The following AVEN variants were observed in gnomAD, a reference collection of about 807,000 sequenced individuals.
The protein encoded by AVEN is cell death regulator Aven.
A neutral mutation model predicts 38.1 loss-of-function variants in AVEN; 41 were observed. The ratio of observed to expected loss-of-function variants is 1.08; its 90% CI spans 0.84 to 1.40. AVEN has a LOEUF of 1.40. Among genes scored for constraint, AVEN ranks in the 40% most tolerant of loss-of-function variants. The pLI is 0.00. For missense variants in AVEN, 605 were observed against 438.8 expected, an observed-to-expected ratio of 1.38 and a Z score of -3.38; for synonymous variants, 206 against 171.8, an observed-to-expected ratio of 1.20 and a Z score of -1.56.
intron 2 of AVEN, among the ~76,000 whole-genome samples, chr15:33,963,581 G>A (rs1388693025): frequency 2.0e-5 from 3 of 152,110 alleles, no homozygotes; most frequent in South Asian, 2.1e-4. Flanking sequence ...CGGATCACTT[G>A]AGGTCAGGAG....
At chr15:34,038,431 C>G (rs1380436712) in intron 1 of AVEN, among the ~76,000 whole-genome samples, 1 of 152,194 alleles carries the variant, frequency 6.6e-6, no homozygotes, top group Non-Finnish European at 1.5e-5. Context: ...TAGTGGTACT[C>G]GTACAGACAG....
At chr15:33,986,132 A>G (rs1465117233) in intron 2 of AVEN, among the ~76,000 whole-genome samples, 4 of 149,412 alleles carry the variant, frequency 2.7e-5, no homozygotes, top group Non-Finnish European at 5.9e-5. Flanking sequence ...TTTGAGATGG[A>G]CTCTCGCTCT....
upstream of AVEN, among the ~76,000 whole-genome samples, chr15:34,039,725 C>T (rs1488507969): frequency 6.6e-6 from 1 of 152,140 alleles, no homozygotes; most frequent in Non-Finnish European, 1.5e-5. Context: ...GAAATGACTA[C>T]TACAGCTGAC....
At chr15:34,025,599 C>T (rs114925832) in intron 1 of AVEN, among the ~76,000 whole-genome samples, 38 of 152,230 alleles carry the variant, frequency 2.5e-4, no homozygotes, top group African/African-American at 8.9e-4. Flanking sequence ...ATGTTAATGT[C>T]CTGATTTTGA....
At chr15:33,856,692 C>G (rs574262191), downstream of AVEN, 12 of 156,188 alleles carry the variant, frequency 7.7e-5, no homozygotes, top group African/African-American at 2.6e-4. Context: ...CGGAGTCTCA[C>G]TCTGCCACAA....
At chr15:34,020,037 C>T (rs540941034) in intron 1 of AVEN, among the ~76,000 whole-genome samples, 2 of 152,264 alleles carry the variant, frequency 1.3e-5, no homozygotes, top group East Asian at 1.9e-4. Flanking sequence ...TTAGGCTGGG[C>T]GCAGTGGTTC....
chr15:34,044,193 A>G (rs2140810967), upstream of AVEN, among the ~76,000 whole-genome samples: 1 of 151,882 alleles, frequency 6.6e-6, no homozygotes, highest in South Asian at 2.1e-4. Flanking sequence ...AGAGTCATCT[A>G]TAGCACTGTC....
At chr15:34,048,128 G>A (rs1012122922) in intron 5 of AVEN, among the ~76,000 whole-genome samples, 6 of 152,112 alleles carry the variant, frequency 3.9e-5, no homozygotes, top group Non-Finnish European at 8.8e-5. Flanking sequence ...CACTTGCCTC[G>A]GCTTTCCAAA....
intron 1 of AVEN, among the ~76,000 whole-genome samples, chr15:34,009,841 T>G (rs1897561675): frequency 6.6e-6 from 1 of 151,938 alleles, no homozygotes; most frequent in Non-Finnish European, 1.5e-5. Context: ...AATAAAAAAT[T>G]AGCTGAGCAT....
At chr15:33,885,246 C>A (rs1362880011) in intron 2 of AVEN, among the ~76,000 whole-genome samples, 4 of 152,170 alleles carry the variant, frequency 2.6e-5, no homozygotes, top group Admixed American at 2.6e-4. Context: ...AAAATGTCCT[C>A]TTTCATTTCT....
intron 5 of AVEN, among the ~76,000 whole-genome samples, chr15:34,055,571 G>A (rs1416536481): frequency 6.6e-6 from 1 of 152,006 alleles, no homozygotes; most frequent in Admixed American, 6.6e-5. Context: ...GGAGGCTGAG[G>A]TGGGCGGATC....
At chr15:33,870,349 C>G (rs1890889309) in intron 4 of AVEN, among the ~76,000 whole-genome samples, 1 of 152,136 alleles carries the variant, frequency 6.6e-6, no homozygotes, top group Non-Finnish European at 1.5e-5. Flanking sequence ...TACTTGGCAG[C>G]CCCATCGTTT....
At chr15:34,031,117 G>A (rs1898772910) in intron 1 of AVEN, among the ~76,000 whole-genome samples, 1 of 6,958 alleles carries the variant, frequency 1.4e-4, no homozygotes, top group African/African-American at 1.6e-4. Context: ...GAATACATAT[G>A]AGTTTTTTTT....
chr15:33,978,620 G>A (rs913060765), intron 2 of AVEN, among the ~76,000 whole-genome samples: 2 of 151,934 alleles, frequency 1.3e-5, no homozygotes, highest in Admixed American at 6.6e-5. Flanking sequence ...CCAAGATTAC[G>A]CCACTGCATG....
intron 2 of AVEN, among the ~76,000 whole-genome samples, chr15:33,996,034 A>C (rs548012872): frequency 1.3e-5 from 2 of 152,236 alleles, no homozygotes; most frequent in Non-Finnish European, 2.9e-5. Flanking sequence ...TATATCCCAC[A>C]CATGGCTAGG....
At chr15:33,945,803 T>A (rs1231648820) in intron 2 of AVEN, among the ~76,000 whole-genome samples, 1 of 152,166 alleles carries the variant, frequency 6.6e-6, no homozygotes, top group Non-Finnish European at 1.5e-5. Flanking sequence ...GCCAGGATAG[T>A]CTCGATCTCC....
At chr15:33,963,796 C>CA (rs57116335) in intron 2 of AVEN, among the ~76,000 whole-genome samples, 11,120 of 112,354 alleles carry the variant, frequency 0.099, 1,637 homozygotes, top group African/African-American at 0.35. Context: ...GACTCTGTCT[C>CA]AAAAAAAAAA....
chr15:33,877,162 G>A (rs1891269399), intron 2 of AVEN, among the ~76,000 whole-genome samples: 1 of 152,188 alleles, frequency 6.6e-6, no homozygotes, highest in African/African-American at 2.4e-5. Context: ...CAGAGAAACT[G>A]AGGAAAAGAA....
At position 33,867,588 on chromosome 15, in the gene AVEN, C is replaced by T. The variant is rs376109021; in HGVS notation, c.880G>A (p.Ala294Thr). The change falls in exon 5 of 6, where the codon GCA becomes ACA. Residue 294 changes from alanine to threonine, a missense_variant. Coordinates refer to ENST00000306730, the MANE Select transcript of AVEN (RefSeq NM_020371.3). ...EELDLLLNLD[A>T]PIKEGDNILP... ...ATGTTATCTCCCTCTTTTATAGGTG[C>T]ATCTAAATTAAGCAACAGATCTAGT... 5 of 1,614,212 alleles carry T rather than the reference C, an allele frequency of 3.1e-6. No individual in the cohort carries two copies. The South Asian group carries it at 4.4e-5, about 14-fold the overall frequency.
Sources: gnomAD v4.1 joint callset for allele counts (sites outside exome capture counted in the v4.1 genomes callset) on GRCh38, gnomAD v4.1.1 for gene constraint, MANE v1.5 for transcripts, NCBI Gene and HGNC (gene_info 2026-07-23, HGNC 2026-07-21) for gene names.